Variants in GNAQ observed in about 807,000 individuals in gnomAD.
GNAQ encodes G protein subunit alpha q, also known as guanine nucleotide-binding protein G(q) subunit alpha.
Under a neutral mutation model 43.9 loss-of-function variants are expected in GNAQ, and 8 were observed. The observed-to-expected ratio is 0.18, with a 90% confidence interval of 0.11 to 0.33. The LOEUF (loss-of-function observed/expected upper bound fraction) is 0.33. GNAQ is among the 10% of genes least tolerant of loss of function. The pLI is 1.00. For synonymous variants in GNAQ, 155 were observed against 170.7 expected, an observed-to-expected ratio of 0.91 and a Z score of 0.71; for missense variants, 158 against 450.8, an observed-to-expected ratio of 0.35 and a Z score of 5.88.
At chr9:77,772,832 T>G (rs2118376908) in intron 5 of GNAQ, among the ~76,000 whole-genome samples, 1 of 152,320 alleles carries the variant, frequency 6.6e-6, no homozygotes, top group Non-Finnish European at 1.5e-5. Flanking sequence ...TTGACTTCCC[T>G]GGGCCACAAT....
intron 5 of GNAQ, among the ~76,000 whole-genome samples, chr9:77,772,771 A>C (rs1319111256): frequency 6.6e-6 from 1 of 152,234 alleles, no homozygotes; most frequent in Non-Finnish European, 1.5e-5. Flanking sequence ...CTGTAATAGA[A>C]CATGTAAACA....
chr9:77,818,775 G>A (rs1035610689), intron 2 of GNAQ, among the ~76,000 whole-genome samples: 2 of 151,990 alleles, frequency 1.3e-5, no homozygotes, highest in Non-Finnish European at 2.9e-5. Context: ...AGAGGCAGAA[G>A]GATCACTTGA....
intron 2 of GNAQ, among the ~76,000 whole-genome samples, chr9:77,912,227 G>C (rs1828819756): frequency 6.6e-6 from 1 of 152,176 alleles, no homozygotes. Flanking sequence ...GGAACAGAAT[G>C]GAGAGTCCCG....
At chr9:78,025,581 G>A (rs1823967650) in intron 1 of GNAQ, among the ~76,000 whole-genome samples, 1 of 152,134 alleles carries the variant, frequency 6.6e-6, no homozygotes, top group Non-Finnish European at 1.5e-5. Flanking sequence ...CAGGAAATTT[G>A]ACTTTAAAAT....
At chr9:77,957,786 G>T (rs1003500015) in intron 1 of GNAQ, among the ~76,000 whole-genome samples, 1 of 152,192 alleles carries the variant, frequency 6.6e-6, no homozygotes, top group African/African-American at 2.4e-5. Flanking sequence ...GGGAACTGTG[G>T]AAGTGCAGAG....
In GNAQ at chr9:77,718,487, C is replaced by G. The variant is rs534295324; in HGVS notation, c.*2836G>C. On this transcript the variant is annotated 3_prime_UTR_variant, in exon 7 of 7. Coordinates refer to ENST00000286548, the MANE Select transcript of GNAQ (RefSeq NM_002072.5). ...GATCTTGTCATGCACCCTACAGGAA[C>G]AGCGAAGCCACAAACCTCAATTCTG... 1 of 232,534 alleles carries G rather than the reference C, an allele frequency of 4.3e-6. No homozygotes were observed. The highest frequency in any genetic ancestry group is 1.8e-4 in the South Asian group (1 of 5,524). The allele number at this position is 232,534 out of a possible 1,614,324, so 14.4% of individuals were successfully genotyped here.
intron 1 of GNAQ, among the ~76,000 whole-genome samples, chr9:78,002,702 C>T (rs1234569712): frequency 1.3e-5 from 2 of 152,124 alleles, no homozygotes. Flanking sequence ...GAATCTGAAC[C>T]CACAACTTAT....
At chr9:77,830,837 CCACACACA>C (rs5898566) in intron 2 of GNAQ, among the ~76,000 whole-genome samples, 1 of 150,700 alleles carries the variant, frequency 6.6e-6, no homozygotes, top group Non-Finnish European at 1.5e-5. Flanking sequence ...AGGTGTTATA[CCACACACA>C]CACACACACA....
At chr9:77,929,054 T>C (rs1359001604) in intron 1 of GNAQ, among the ~76,000 whole-genome samples, 2 of 152,212 alleles carry the variant, frequency 1.3e-5, no homozygotes, top group African/African-American at 2.4e-5. Context: ...AATTATGGTA[T>C]ATAAATATCT....
At chr9:77,956,044 G>GT (rs1222078899) in intron 1 of GNAQ, among the ~76,000 whole-genome samples, 1 of 152,140 alleles carries the variant, frequency 6.6e-6, no homozygotes, top group African/African-American at 2.4e-5. Flanking sequence ...GATTTATTAA[G>GT]TTTTTTAAAA....
chr9:77,798,536 G>A (rs1826693582), intron 3 of GNAQ, among the ~76,000 whole-genome samples: 1 of 152,118 alleles, frequency 6.6e-6, no homozygotes, highest in Admixed American at 6.6e-5. Flanking sequence ...GCTATATATT[G>A]TATGTATGTA....
intron 5 of GNAQ, among the ~76,000 whole-genome samples, chr9:77,762,698 C>T (rs1226223425): frequency 1.3e-5 from 2 of 151,848 alleles, no homozygotes; most frequent in Non-Finnish European, 2.9e-5. Flanking sequence ...GGATGGTTGC[C>T]GTGTCTGTGT....
intron 2 of GNAQ, among the ~76,000 whole-genome samples, chr9:77,881,640 T>C (rs535920717): frequency 7.2e-4 from 110 of 152,234 alleles, no homozygotes; most frequent in African/African-American, 2.5e-3. Context: ...AACCTTGGCC[T>C]CCCGAAGCAC....
chr9:77,764,113 C>G (rs1826096080), intron 5 of GNAQ, among the ~76,000 whole-genome samples: 1 of 152,044 alleles, frequency 6.6e-6, no homozygotes, highest in Admixed American at 6.6e-5. Flanking sequence ...GATCAAAAAC[C>G]AAATACAAAC....
At chr9:78,014,365 C>CT (rs1419670202) in intron 1 of GNAQ, among the ~76,000 whole-genome samples, 1 of 152,148 alleles carries the variant, frequency 6.6e-6, no homozygotes, top group African/African-American at 2.4e-5. Flanking sequence ...TGGCTCACTC[C>CT]TGTAATCCCA....
intron 2 of GNAQ, among the ~76,000 whole-genome samples, chr9:77,906,252 G>A (rs532928548): frequency 3.3e-5 from 5 of 152,086 alleles, no homozygotes; most frequent in South Asian, 2.1e-4. Flanking sequence ...ACAGCCAAAC[G>A]TTTATGAAAT....
intron 5 of GNAQ, among the ~76,000 whole-genome samples, chr9:77,736,323 G>A (rs1825576185): frequency 6.6e-6 from 1 of 152,142 alleles, no homozygotes; most frequent in Non-Finnish European, 1.5e-5. Flanking sequence ...GGAGTAGGTG[G>A]AGTGAGAAAT....
intron 2 of GNAQ, among the ~76,000 whole-genome samples, chr9:77,863,271 A>G (rs906765366): frequency 1.3e-5 from 2 of 151,838 alleles, no homozygotes; most frequent in African/African-American, 4.9e-5. Context: ...TTCTTCCACC[A>G]GATACTCTAA....
chr9:77,847,529 T>A (rs1827606993), intron 2 of GNAQ, among the ~76,000 whole-genome samples: 1 of 152,134 alleles, frequency 6.6e-6, no homozygotes, highest in African/African-American at 2.4e-5. Context: ...GTAGTATAAT[T>A]TACAGGGAGA....
Sources: gnomAD v4.1 joint callset for allele counts (sites outside exome capture counted in the v4.1 genomes callset) on GRCh38, gnomAD v4.1.1 for gene constraint, MANE v1.5 for transcripts, NCBI Gene and HGNC (gene_info 2026-07-23, HGNC 2026-07-21) for gene names.